Variants in ARHGAP35 observed in about 807,000 individuals in gnomAD.
ARHGAP35 encodes the protein Rho GTPase activating protein 35.
Under a neutral mutation model 111.1 loss-of-function variants are expected in ARHGAP35, and 15 were observed. The ratio of observed to expected loss-of-function variants is 0.13; its 90% CI spans 0.09 to 0.21. ARHGAP35 has a LOEUF of 0.21. Ranked by LOEUF, ARHGAP35 falls within the 10% of genes least tolerant of loss-of-function variation. ARHGAP35 has a pLI of 1.00. For missense variants in ARHGAP35, 1,262 were observed against 1,873.0 expected, an observed-to-expected ratio of 0.67 and a Z score of 6.02; for synonymous variants, 643 against 710.3, an observed-to-expected ratio of 0.91 and a Z score of 1.51.
chr19:46,884,035 A>G (rs1568460351), intron 1 of ARHGAP35, among the ~76,000 whole-genome samples: 2 of 152,214 alleles, frequency 1.3e-5, no homozygotes, highest in South Asian at 2.1e-4. Flanking sequence ...AACCTGGGTG[A>G]CAGAGCAAGA....
At chr19:46,866,936 G>A (rs1333487398) in intron 1 of ARHGAP35, among the ~76,000 whole-genome samples, 1 of 152,148 alleles carries the variant, frequency 6.6e-6, no homozygotes, top group Non-Finnish European at 1.5e-5. Context: ...CTCTCAAACA[G>A]CAATGGTCTG....
chr19:46,958,973 G>A (rs751051556), intron 3 of ARHGAP35, among the ~76,000 whole-genome samples: 1 of 152,104 alleles, frequency 6.6e-6, no homozygotes, highest in African/African-American at 2.4e-5. Context: ...GCTTTTGTGT[G>A]ATTCTCCAGA....
intron 5 of ARHGAP35, among the ~76,000 whole-genome samples, chr19:46,998,900 G>A (rs533534947): frequency 5.3e-5 from 8 of 152,364 alleles, no homozygotes; most frequent in South Asian, 2.1e-4. Flanking sequence ...GCCTGTTGGC[G>A]TGGGTGGGTG....
intron 1 of ARHGAP35, among the ~76,000 whole-genome samples, chr19:46,917,410 C>A (rs192217777): frequency 6.6e-6 from 1 of 152,238 alleles, no homozygotes; most frequent in African/African-American, 2.4e-5. Context: ...GAGTTTGAAA[C>A]CAGCCCGGGC....
intron 3 of ARHGAP35, among the ~76,000 whole-genome samples, chr19:46,954,650 C>T (rs533306296): frequency 3.9e-5 from 6 of 152,216 alleles, no homozygotes; most frequent in African/African-American, 4.8e-5. Context: ...CCCCAGTTTG[C>T]GTTCTTTCAC....
intron 1 of ARHGAP35, among the ~76,000 whole-genome samples, chr19:46,879,587 A>AAAATAAATAAATAAATAAATTAAAT (rs2055947197): frequency 1.1e-5 from 1 of 87,678 alleles, no homozygotes; most frequent in Non-Finnish European, 2.4e-5. Flanking sequence ...ACTCCATCTC[A>AAAATAAATAAATAAATAAATTAAAT]AAATAAATAA....
At chr19:46,937,560 G>A (rs1162218028) in intron 3 of ARHGAP35, among the ~76,000 whole-genome samples, 152 bp downstream of exon 3, 1 of 152,230 alleles carries the variant, frequency 6.6e-6, no homozygotes, top group Non-Finnish European at 1.5e-5. Context: ...GTTGTCAGAT[G>A]TGTAGATTCT....
chr19:46,972,197 G>A (rs991306671), intron 3 of ARHGAP35, among the ~76,000 whole-genome samples: 1 of 152,140 alleles, frequency 6.6e-6, no homozygotes, highest in Non-Finnish European at 1.5e-5. Context: ...TTGTAGTAGA[G>A]ATGAGGTTTC....
rs2056237639 is a variant in ARHGAP35, at chr19:46,926,341, G to A, written c.3681+3985G>A. Among the ~76,000 whole-genome samples the A allele has an allele frequency of 6.6e-6, 1 of 152,208 alleles. No homozygotes were observed. Among genetic ancestry groups the A allele is most frequent in the Admixed American group, 6.5e-5 (1 of 15,286 alleles). On this transcript the variant is annotated intron_variant, in intron 2 of 6. Transcript: ENST00000672722. This position sits in a 1 kb window ranked among gnomAD's most constrained non-coding sequence, Gnocchi z 4.1. Reference sequence around the variant, plus strand: ...CTTCCGCACTCAGCTGAATGAAATTGAAAATCTACGATTGCACTTCAGTAG... The same window carrying A: ...CTTCCGCACTCAGCTGAATGAAATTAAAAATCTACGATTGCACTTCAGTAG...
rs967296912 is a variant in ARHGAP35, at chr19:47,000,094, G to T, written c.4143-237G>T. ...GTGGTCCATCCACCCCCAGGGGTTT[G>T]CGGGGCTCCAGGCAGCCTTTCCGAG... On this transcript the variant is annotated intron_variant, in intron 6 of 6. Coordinates refer to ENST00000672722, the MANE Select transcript of ARHGAP35 (RefSeq NM_004491.5). The surrounding 1 kb of genome is among the most constrained non-coding windows in gnomAD (Gnocchi z 6.9). Among the ~76,000 whole-genome samples, 1 of 152,192 alleles carries T rather than the reference G, an allele frequency of 6.6e-6. No individual in the cohort carries two copies. The highest frequency in any genetic ancestry group is 1.5e-5 in the Non-Finnish European group (1 of 68,020).
At chr19:46,896,132 A>G (rs8113481) in intron 1 of ARHGAP35, among the ~76,000 whole-genome samples, 95,763 of 151,844 alleles carry the variant, frequency 0.63, 30,869 homozygotes, top group Middle Eastern at 0.8. Flanking sequence ...AGCCCAGCAC[A>G]GTGGCTCACA....
rs1188853114 is a variant in ARHGAP35 at position 46,861,136 on chromosome 19, G to A, written c.-262G>A. 3.3e-5 allele frequency among the ~76,000 whole-genome samples: 5 copies of A among 151,564 alleles called. No homozygotes were observed. In the East Asian group the frequency reaches 9.8e-4, roughly 30 times the overall value. ...AGCCGCCGCTGGACTAGGAGCAGGG[G>A]AACATGGCGCCGGGGCCCCCGTCGT... is the stretch of plus-strand genomic sequence containing the variant. On this transcript the variant is annotated 5_prime_UTR_variant, in exon 1 of 7. Transcript: ENST00000672722.
intron 1 of ARHGAP35, among the ~76,000 whole-genome samples, chr19:46,890,155 A>G (rs1483045960): frequency 6.6e-6 from 1 of 152,176 alleles, no homozygotes; most frequent in Admixed American, 6.6e-5. Flanking sequence ...GTTTTACTTT[A>G]CTGTTCTAGA....
chr19:46,941,590 GAA>G (rs1407459356), intron 3 of ARHGAP35, among the ~76,000 whole-genome samples: 5 of 147,954 alleles, frequency 3.4e-5, no homozygotes, highest in Admixed American at 3.3e-4. Flanking sequence ...AAGAGAGAGA[GAA>G]AGAGACAGGG....
In ARHGAP35 at chr19:46,919,922, A is replaced by T; in HGVS notation, c.1247A>T (p.Tyr416Phe). 6.2e-7 allele frequency: 1 copy of T among 1,613,980 alleles called. No individual in the cohort carries two copies. The highest frequency in any genetic ancestry group is 8.5e-7 in the Non-Finnish European group (1 of 1,179,890). The part of the protein sequence containing the change: ...LMDTVPAEQL[Y>F]EAHLEKLRNE... Reference sequence around the variant, plus strand: ...GATACCGTCCCTGCAGAGCAGCTATACGAGGCCCACTTAGAGAAGCTGAGG... The same window carrying T: ...GATACCGTCCCTGCAGAGCAGCTATTCGAGGCCCACTTAGAGAAGCTGAGG... The change falls in exon 2 of 7, where the codon TAC (tyrosine) becomes TTC (phenylalanine). Residue 416 changes from tyrosine (Y) to phenylalanine (F), a missense_variant. Physicochemically the swap from Tyr to Phe is conservative, Grantham distance 22. This residue lies in a region of ARHGAP35 where 328 missense variants were observed against 440.8 expected (regional missense o/e 0.74). Transcript: ENST00000672722. The surrounding 1 kb of genome is among the most constrained non-coding windows in gnomAD (Gnocchi z 6.2).
chr19:46,982,009 G>A (rs550086723), intron 3 of ARHGAP35, among the ~76,000 whole-genome samples: 159 of 152,090 alleles, frequency 1.0e-3, no homozygotes, highest in Non-Finnish European at 1.9e-3. Flanking sequence ...ATGACACCAT[G>A]CCTGGCTAAT....
intron 1 of ARHGAP35, among the ~76,000 whole-genome samples, chr19:46,875,781 C>T (rs983411292): frequency 6.6e-6 from 1 of 152,016 alleles, no homozygotes; most frequent in Admixed American, 6.6e-5. Flanking sequence ...GCTGCAAAGG[C>T]GGCGTGATGA....
At position 47,001,013 on chromosome 19, in the gene ARHGAP35, C is replaced by T; in HGVS notation, c.*325C>T. On this transcript the variant is annotated 3_prime_UTR_variant, in exon 7 of 7. Coordinates refer to ENST00000672722, the MANE Select transcript of ARHGAP35 (RefSeq NM_004491.5). This position sits in a 1 kb window ranked among gnomAD's most constrained non-coding sequence, Gnocchi z 5.4. The stretch of plus-strand genomic sequence containing the variant: ...ACCAGCCTCCGGGTGCCTCCCTCTG[C>T]TTGTACAGAGCCCATGGTCGGGACA... 2 of 1,459,186 alleles carry T rather than the reference C, an allele frequency of 1.4e-6. No homozygotes were observed. The highest frequency in any genetic ancestry group is 2.9e-5 in the East Asian group (1 of 34,044). The allele number at this position is 1,459,186 out of a possible 1,614,324, so 90.4% of individuals were successfully genotyped here.
Position 46,999,186 on chromosome 19 carries a change from G to A in ARHGAP35, c.4037-118G>A, listed in dbSNP as rs770413120. The A allele has an allele frequency of 2.9e-6, 2 of 678,120 alleles. No homozygotes were observed. Among genetic ancestry groups the A allele is most frequent in the Admixed American group, 2.6e-5 (1 of 38,396 alleles). The allele number at this position is 678,120 out of a possible 1,614,324, so 42.0% of individuals were successfully genotyped here. A position where few individuals can be genotyped will look rare whatever the true frequency, so the allele number is the denominator to read the frequency against. ...CACAGGCTTTGGGGGAAAGAGTGGG[G>A]TTAGTGTCATCCAAAAGCCCTGGGC... On this transcript the variant is annotated intron_variant, in intron 5 of 6. Transcript: ENST00000672722. The surrounding 1 kb of genome is among the most constrained non-coding windows in gnomAD (Gnocchi z 5.4).
Sources: gnomAD v4.1 joint callset for allele counts (sites outside exome capture counted in the v4.1 genomes callset) on GRCh38, gnomAD v4.1.1 for gene constraint, gnomAD v4.1.1 regional missense constraint, Gnocchi (gnomAD v3.1) non-coding constraint, MANE v1.5 for transcripts, NCBI Gene and HGNC (gene_info 2026-07-23, HGNC 2026-07-21) for gene names.